Variants in FHIT observed in about 807,000 individuals in gnomAD.
The protein encoded by FHIT is bis(5'-adenosyl)-triphosphatase.
A neutral mutation model predicts 17.9 loss-of-function variants in FHIT; 19 were observed. The ratio of observed to expected loss-of-function variants is 1.06; its 90% CI spans 0.74 to 1.56. The LOEUF is 1.56. Among genes scored for constraint, FHIT ranks in the 40% most tolerant of loss-of-function variants. The probability of loss-of-function intolerance (pLI) is 0.00; values close to 1 mark genes in which losing one functional copy is unlikely to be tolerated. For synonymous variants in FHIT, 81 were observed against 69.7 expected, an observed-to-expected ratio of 1.16 and a Z score of -0.81; for missense variants, 248 against 189.2, an observed-to-expected ratio of 1.31 and a Z score of -1.82.
intron 5 of FHIT, among the ~76,000 whole-genome samples, chr3:60,093,562 G>T (rs1473641584): frequency 1.3e-5 from 2 of 152,112 alleles, no homozygotes; most frequent in East Asian, 3.9e-4. Flanking sequence ...TTGGTAGGAG[G>T]GGGGTATTCT....
intron 5 of FHIT, among the ~76,000 whole-genome samples, chr3:60,305,988 T>A (rs1708652717): frequency 6.6e-6 from 1 of 152,136 alleles, no homozygotes; most frequent in South Asian, 2.1e-4. Flanking sequence ...AACAACTAAT[T>A]TTAAAAGTTG....
At chr3:60,590,453 G>A (rs1553663816) in intron 4 of FHIT, among the ~76,000 whole-genome samples, 2 of 152,040 alleles carry the variant, frequency 1.3e-5, no homozygotes, top group Admixed American at 6.6e-5. Context: ...TGTTATTGAT[G>A]TATTGTTTAT....
intron 5 of FHIT, among the ~76,000 whole-genome samples, chr3:60,240,506 T>C (rs1705070168): frequency 6.6e-6 from 1 of 152,208 alleles, no homozygotes; most frequent in Non-Finnish European, 1.5e-5. Context: ...ATGTGTTCTG[T>C]TGTTTGAGCT....
intron 5 of FHIT, among the ~76,000 whole-genome samples, chr3:60,018,549 C>T (rs762899120): frequency 7.2e-5 from 11 of 152,176 alleles, no homozygotes; most frequent in Non-Finnish European, 1.5e-4. Context: ...AACTAAGGCA[C>T]CTCAGCTGAT....
chr3:59,884,560 A>C (rs920973299), intron 8 of FHIT, among the ~76,000 whole-genome samples: 1 of 152,142 alleles, frequency 6.6e-6, no homozygotes, highest in African/African-American at 2.4e-5. Context: ...GTTCCGTAAA[A>C]CCATTTCCTA....
At chr3:61,055,254 AACAAACACT>A (rs1559945683) in intron 2 of FHIT, among the ~76,000 whole-genome samples, 4 of 152,166 alleles carry the variant, frequency 2.6e-5, no homozygotes, top group Admixed American at 6.5e-5. Flanking sequence ...TGAATGAATG[AACAAACACT>A]ATCTCTGTCT....
At chr3:60,686,878 T>C (rs1553698583) in intron 4 of FHIT, among the ~76,000 whole-genome samples, 1 of 152,198 alleles carries the variant, frequency 6.6e-6, no homozygotes, top group African/African-American at 2.4e-5. Context: ...ATTTAACCTA[T>C]ACTACTTCCA....
chr3:60,950,804 T>C (rs1708847414), intron 3 of FHIT, among the ~76,000 whole-genome samples: 1 of 152,104 alleles, frequency 6.6e-6, no homozygotes, highest in Admixed American at 6.5e-5. Context: ...ATTACAGGCG[T>C]GAGCCACCAT....
intron 5 of FHIT, among the ~76,000 whole-genome samples, chr3:60,460,323 T>C (rs1402231244): frequency 6.6e-6 from 1 of 152,126 alleles, no homozygotes; most frequent in East Asian, 1.9e-4. Context: ...GGAAAGAAGT[T>C]CCACGGCTTT....
At chr3:60,624,191 G>A (rs1345821628) in intron 4 of FHIT, among the ~76,000 whole-genome samples, 1 of 152,222 alleles carries the variant, frequency 6.6e-6, no homozygotes, top group African/African-American at 2.4e-5. Context: ...GACGTATGCA[G>A]AGAAGTCCAT....
At chr3:60,293,551 C>G (rs1708079642) in intron 5 of FHIT, among the ~76,000 whole-genome samples, 2 of 152,078 alleles carry the variant, frequency 1.3e-5, no homozygotes, top group Non-Finnish European at 2.9e-5. Flanking sequence ...ATCTGAAGGT[C>G]ACCTAACTAT....
chr3:61,059,844 T>C (rs1199210673), intron 2 of FHIT, among the ~76,000 whole-genome samples: 2 of 152,242 alleles, frequency 1.3e-5, no homozygotes, highest in African/African-American at 4.8e-5. Flanking sequence ...TGATTCCCAG[T>C]GGGGCCCCTG....
At chr3:60,869,191 G>C (rs1181425776) in intron 3 of FHIT, among the ~76,000 whole-genome samples, 1 of 152,140 alleles carries the variant, frequency 6.6e-6, no homozygotes, top group Non-Finnish European at 1.5e-5. Context: ...CTAACCCCCT[G>C]TGGAAGATCA....
intron 5 of FHIT, among the ~76,000 whole-genome samples, chr3:60,530,486 C>A (rs1224767365): frequency 1.3e-5 from 2 of 152,112 alleles, no homozygotes; most frequent in Non-Finnish European, 2.9e-5. Flanking sequence ...ATTGTTCTGT[C>A]TATGATAAAA....
chr3:60,005,757 G>C (rs747410491), intron 7 of FHIT, among the ~76,000 whole-genome samples: 7 of 152,150 alleles, frequency 4.6e-5, no homozygotes, highest in African/African-American at 1.7e-4. Flanking sequence ...GTAATGAAAG[G>C]ATAAAAGTCC....
chr3:61,108,225 A>G (rs1246541973), intron 2 of FHIT, among the ~76,000 whole-genome samples: 1 of 152,196 alleles, frequency 6.6e-6, no homozygotes, highest in African/African-American at 2.4e-5. Context: ...AATGTTCACT[A>G]ACCCATACAG....
At chr3:61,056,646 C>A (rs1179482706) in intron 2 of FHIT, among the ~76,000 whole-genome samples, 1 of 152,126 alleles carries the variant, frequency 6.6e-6, no homozygotes, top group Non-Finnish European at 1.5e-5. Context: ...GCATTCCCAA[C>A]AGAGAACAGC....
chr3:60,235,646 C>T (rs1036917405), intron 5 of FHIT, among the ~76,000 whole-genome samples: 1 of 152,162 alleles, frequency 6.6e-6, no homozygotes, highest in African/African-American at 2.4e-5. Context: ...ACATCATTGA[C>T]AGTCTACAGT....
At chr3:60,088,101 A>T (rs2107079625) in intron 5 of FHIT, among the ~76,000 whole-genome samples, 1 of 152,364 alleles carries the variant, frequency 6.6e-6, no homozygotes, top group African/African-American at 2.4e-5. Flanking sequence ...TGGAGAGATC[A>T]CATGACAGAG....
Sources: gnomAD v4.1 joint callset for allele counts (sites outside exome capture counted in the v4.1 genomes callset) on GRCh38, gnomAD v4.1.1 for gene constraint, MANE v1.5 for transcripts, NCBI Gene and HGNC (gene_info 2026-07-23, HGNC 2026-07-21) for gene names.